CHRM3: variants seen among roughly 807,000 people sequenced by gnomAD.
The protein encoded by CHRM3 is cholinergic receptor muscarinic 3, also known as muscarinic acetylcholine receptor M3.
A neutral mutation model predicts 41.8 loss-of-function variants in CHRM3; 11 were observed. The ratio of observed to expected loss-of-function variants is 0.26; its 90% confidence interval spans 0.17 to 0.44. The LOEUF (loss-of-function observed/expected upper bound fraction) is 0.44. Among genes scored for constraint, CHRM3 ranks in the 20% least tolerant of loss-of-function variants. The pLI, the probability that CHRM3 is intolerant of heterozygous loss-of-function variation, is 1.00. For synonymous variants in CHRM3, 297 were observed against 301.4 expected, an observed-to-expected ratio of 0.99 and a Z score of 0.15; for missense variants, 571 against 745.4, an observed-to-expected ratio of 0.77 and a Z score of 2.72.
intron 5 of CHRM3, among the ~76,000 whole-genome samples, chr1:239,744,351 C>T (rs770145772): frequency 6.6e-6 from 1 of 151,896 alleles, no homozygotes; most frequent in South Asian, 2.1e-4. Flanking sequence ...GGGAAAAATA[C>T]AAAAAGGGAA....
At chr1:239,718,057 C>G (rs898313685) in intron 5 of CHRM3, among the ~76,000 whole-genome samples, 2 of 151,856 alleles carry the variant, frequency 1.3e-5, no homozygotes, top group Non-Finnish European at 2.9e-5. Flanking sequence ...CTCATGTTAC[C>G]GTTTCAAAAA....
intron 2 of CHRM3, among the ~76,000 whole-genome samples, chr1:239,528,645 C>T (rs949732179): frequency 3.3e-5 from 5 of 152,334 alleles, no homozygotes; most frequent in Non-Finnish European, 7.4e-5. Context: ...GTAATCCCAG[C>T]ACTTTGGGAG....
In CHRM3 at chr1:239,387,247, C is replaced by A. The variant is rs550423691; in HGVS notation, c.-521+20C>A. ...TGCCAGGTAGGGACGGCGCCCGCCACCCAGGCGCTGGGCAGAGCGGGTGGC... is the reference window on the plus strand; with the variant it reads ...TGCCAGGTAGGGACGGCGCCCGCCAACCAGGCGCTGGGCAGAGCGGGTGGC... On this transcript the variant is annotated intron_variant, in intron 1 of 6. Transcript: ENST00000676153. The surrounding 1 kb of genome is among the most constrained non-coding windows in gnomAD (Gnocchi z 5.1). 1 of 151,866 alleles carries A rather than the reference C, an allele frequency of 6.6e-6. No individual in the cohort carries two copies. Among genetic ancestry groups the A allele is most frequent in the Non-Finnish European group, 1.5e-5 (1 of 68,002 alleles). 9.4% of individuals were successfully genotyped at this position (151,866 alleles called of 1,614,324 possible).
intron 5 of CHRM3, among the ~76,000 whole-genome samples, chr1:239,747,408 G>A (rs2148549167): frequency 6.6e-6 from 1 of 152,300 alleles, no homozygotes; most frequent in South Asian, 2.1e-4. Flanking sequence ...TACTCAAAGA[G>A]CAGTTTCAAG....
At position 239,387,647 on chromosome 1, in the gene CHRM3, G is replaced by T. The variant is rs2102892174; in HGVS notation, c.-521+420G>T. 6.6e-6 allele frequency among the ~76,000 whole-genome samples: 1 copy of T among 152,240 alleles called. No homozygotes were observed. The highest frequency in any genetic ancestry group is 2.4e-5 in the African/African-American group (1 of 41,554). The stretch of plus-strand genomic sequence containing the variant: ...GAGCATGAGGAGCTACTGGGCTCCG[G>T]GTGTGTTTGTGAGCGCACTCGTGTG... On this transcript the variant is annotated intron_variant, in intron 1 of 6. Transcript: ENST00000676153. This position sits in a 1 kb window ranked among gnomAD's most constrained non-coding sequence, Gnocchi z 5.1.
intron 6 of CHRM3, among the ~76,000 whole-genome samples, chr1:239,880,112 C>T (rs534420): frequency 0.98 from 149,150 of 152,290 alleles, 73,120 homozygotes; most frequent in Middle Eastern, 1. Context: ...GAGGGACATT[C>T]ATGGGATAAA....
At chr1:239,766,944 T>TC (rs1667277880) in intron 5 of CHRM3, among the ~76,000 whole-genome samples, 4 of 152,174 alleles carry the variant, frequency 2.6e-5, no homozygotes, top group Admixed American at 2.0e-4. Flanking sequence ...ACTCCTGACC[T>TC]CAGTCGATCC....
At chr1:239,846,965 G>A (rs777943054) in intron 6 of CHRM3, among the ~76,000 whole-genome samples, 11 of 152,142 alleles carry the variant, frequency 7.2e-5, no homozygotes, top group Non-Finnish European at 1.3e-4. Context: ...TTCAGTAATA[G>A]GGATTTCTCT....
chr1:239,519,526 A>G (rs1375875737), intron 2 of CHRM3, among the ~76,000 whole-genome samples: 1 of 152,126 alleles, frequency 6.6e-6, no homozygotes, highest in Non-Finnish European at 1.5e-5. Flanking sequence ...CAGTTCTTTA[A>G]CTGGGTTAAG....
chr1:239,457,286 A>C (rs1256322322), intron 1 of CHRM3, among the ~76,000 whole-genome samples: 1 of 152,190 alleles, frequency 6.6e-6, no homozygotes, highest in Non-Finnish European at 1.5e-5. Flanking sequence ...GAACACATAT[A>C]AACCTCTCAA....
chr1:239,583,042 A>T (rs947129107), intron 3 of CHRM3, among the ~76,000 whole-genome samples: 3 of 152,066 alleles, frequency 2.0e-5, no homozygotes. Flanking sequence ...GCCAGCCACC[A>T]TCTTCCTTGT....
At chr1:239,662,893 C>CTCG (rs377732277) in intron 4 of CHRM3, among the ~76,000 whole-genome samples, 1 of 46,354 alleles carries the variant, frequency 2.2e-5, no homozygotes, top group Non-Finnish European at 4.5e-5. Flanking sequence ...CTTCCTCCTC[C>CTCG]TCTTCTTCTT....
intron 1 of CHRM3, among the ~76,000 whole-genome samples, chr1:239,416,421 T>C (rs1661508660): frequency 6.6e-6 from 1 of 152,080 alleles, no homozygotes; most frequent in Admixed American, 6.6e-5. Context: ...ATCCGTTTTC[T>C]CTTGAGTATT....
At chr1:239,515,819 G>C (rs1004435499) in intron 2 of CHRM3, among the ~76,000 whole-genome samples, 8 of 152,190 alleles carry the variant, frequency 5.3e-5, no homozygotes, top group African/African-American at 1.9e-4. Context: ...ACTACCCTTA[G>C]TTAAAAGTTA....
chr1:239,903,650 G>A (rs927226854), intron 6 of CHRM3, among the ~76,000 whole-genome samples: 1 of 152,154 alleles, frequency 6.6e-6, no homozygotes, highest in African/African-American at 2.4e-5. Context: ...TCATCATCAT[G>A]CTGTCTCTGT....
At chr1:239,403,430 G>A (rs1320485949) in intron 1 of CHRM3, among the ~76,000 whole-genome samples, 3 of 152,156 alleles carry the variant, frequency 2.0e-5, no homozygotes, top group Non-Finnish European at 2.9e-5. Flanking sequence ...TGACAAAATA[G>A]TTTATCCATT....
At chr1:239,797,303 G>A (rs376392932) in intron 5 of CHRM3, among the ~76,000 whole-genome samples, 23 of 151,574 alleles carry the variant, frequency 1.5e-4, no homozygotes, top group South Asian at 1.0e-3. Context: ...TCAGCATCAC[G>A]CAATATATCC....
At chr1:239,539,538 G>A (rs16838458) in intron 2 of CHRM3, among the ~76,000 whole-genome samples, 2 of 152,062 alleles carry the variant, frequency 1.3e-5, no homozygotes, top group East Asian at 3.9e-4. Context: ...TCATATTTCT[G>A]TACAGTCATG....
chr1:239,843,813 C>T (rs1125489), intron 6 of CHRM3, among the ~76,000 whole-genome samples: 43,766 of 151,820 alleles, frequency 0.29, 7,406 homozygotes, highest in East Asian at 0.46. Context: ...CAGGTAATTT[C>T]TATTTAGAGG....
Sources: allele counts gnomAD v4.1 joint callset (sites outside exome capture counted in the v4.1 genomes callset), GRCh38; gene constraint gnomAD v4.1.1; non-coding constraint Gnocchi (gnomAD v3.1); transcripts MANE v1.5; gene names NCBI Gene and HGNC (gene_info 2026-07-23, HGNC 2026-07-21).